Variants in ZNF547 observed in about 807,000 individuals in gnomAD.
ZNF547 encodes zinc finger protein 547.
In ZNF547, 4 loss-of-function variants were observed where a neutral mutation model predicts 7.7. The observed-to-expected ratio is 0.52, with a 90% CI of 0.26 to 1.20. The LOEUF is 1.20. ZNF547 is among the 50% of genes most tolerant of loss of function. ZNF547 has a pLI of 0.14. For missense variants in ZNF547, 449 were observed against 485.8 expected (o/e 0.92, Z 0.71); for synonymous variants, 166 against 166.2 (o/e 1.00, Z 0.01).
Position 57,378,044 on chromosome 19 carries a change from G to T in ZNF547, c.1068G>T (p.Glu356Asp), listed in dbSNP as rs1475914479. The T allele has an allele frequency of 1.9e-6, 3 of 1,614,050 alleles. No individual in the cohort carries two copies. The highest frequency in any genetic ancestry group is 3.3e-5 in the Admixed American group (2 of 60,004). ...HTGERPYECS[E>D]CGKAFLTKSH... ...GAGAACGGCCTTATGAATGCAGTGA[G>T]TGTGGGAAGGCCTTCCTTACAAAGT... The change falls in exon 4 of 4, where the codon GAG (glutamate) becomes GAT (aspartate). Residue 356 changes from glutamate (E) to aspartate (D), a missense_variant. By Grantham distance (45) the Glu-to-Asp change is conservative. Transcript: ENST00000282282.
chr19:57,369,070 AG>A (rs2088488727), intron 2 of ZNF547, among the ~76,000 whole-genome samples: 1 of 152,112 alleles, frequency 6.6e-6, no homozygotes. Context: ...GAAGCAGAAG[AG>A]GGCAGTGATA....
At position 57,377,587 on chromosome 19, in the gene ZNF547, G is replaced by A; in HGVS notation, c.611G>A (p.Arg204Lys). The A allele has an allele frequency of 6.2e-7, 1 of 1,614,226 alleles. No homozygotes were observed. Among genetic ancestry groups the A allele is most frequent in the Non-Finnish European group, 8.5e-7 (1 of 1,180,046 alleles). The stretch of plus-strand genomic sequence containing the variant: ...AGGTCCACACTCAATAGACATCAGA[G>A]AACTCACACTGGAGAAAGGCCTTAT... The part of the protein sequence containing the change: ...MERSTLNRHQ[R>K]THTGERPYEC... The change falls in exon 4 of 4, where the codon AGA becomes AAA. Residue 204 changes from arginine to lysine, a missense_variant. Arg to Lys is a conservative substitution (Grantham distance 26). Coordinates refer to ENST00000282282, the MANE Select transcript of ZNF547 (RefSeq NM_173631.4).
chr19:57,374,728 A>C (rs1380451898), intron 3 of ZNF547, among the ~76,000 whole-genome samples: 1 of 152,218 alleles, frequency 6.6e-6, no homozygotes, highest in Non-Finnish European at 1.5e-5. Flanking sequence ...GGCAGGGGCA[A>C]GAAGCTGCCA....
Position 57,378,420 on chromosome 19 carries a change from A to G in ZNF547, c.*235A>G. 1 of 692,888 alleles carries G rather than the reference A, an allele frequency of 1.4e-6. No homozygotes were observed. The highest frequency in any genetic ancestry group is 1.5e-5 in the South Asian group (1 of 68,008). The allele number at this position is 692,888 out of a possible 1,614,324, so 42.9% of individuals were successfully genotyped here. ...TCTCATTAGACATTGGAGAGTTTAC[A>G]CTGAAGAAGAGTCTTTTCAATAAAG... On this transcript the variant is annotated 3_prime_UTR_variant, in exon 4 of 4. Transcript: ENST00000282282.
At chr19:57,375,594 G>C (rs975047752) in intron 3 of ZNF547, among the ~76,000 whole-genome samples, 1 of 150,012 alleles carries the variant, frequency 6.7e-6, no homozygotes, top group Non-Finnish European at 1.5e-5. Flanking sequence ...CCCAGGAAGC[G>C]GAGGTTGCGG....
At chr19:57,366,276 A>G (rs2088469083) in intron 1 of ZNF547, among the ~76,000 whole-genome samples, 1 of 151,816 alleles carries the variant, frequency 6.6e-6, no homozygotes, top group African/African-American at 2.4e-5. Context: ...GCTGGAGTGC[A>G]GTGGCACGAT....
At chr19:57,373,203 T>C (rs1301758208) in intron 3 of ZNF547, among the ~76,000 whole-genome samples, 1 of 152,172 alleles carries the variant, frequency 6.6e-6, no homozygotes, top group Admixed American at 6.5e-5. Context: ...AGGCATCTTC[T>C]TCACAGGGCG....
chr19:57,365,612 A>G (rs2088462418), intron 1 of ZNF547, among the ~76,000 whole-genome samples: 1 of 150,794 alleles, frequency 6.6e-6, no homozygotes, highest in African/African-American at 2.4e-5. Flanking sequence ...AGGTTCAAGC[A>G]ATTCTGCCTC....
chr19:57,366,611 G>T (rs527956099), intron 1 of ZNF547, among the ~76,000 whole-genome samples: 2 of 135,832 alleles, frequency 1.5e-5, no homozygotes, highest in Non-Finnish European at 3.1e-5. Context: ...GTGCAGTGGC[G>T]CTTGGCTCAC....
chr19:57,364,263 T>G (rs2088445827), intron 1 of ZNF547: 1 of 155,128 alleles, frequency 6.4e-6, no homozygotes, highest in South Asian at 1.9e-4. Context: ...TTTTTTTTTT[T>G]GCCCGAACAT....
intron 3 of ZNF547, among the ~76,000 whole-genome samples, chr19:57,375,611 G>C (rs2088531299): frequency 7.0e-6 from 1 of 141,914 alleles, no homozygotes; most frequent in South Asian, 2.4e-4. Flanking sequence ...GCGGTGAGCT[G>C]AGATCAAGCC....
chr19:57,364,466 G>GAACAA, intron 1 of ZNF547: 1 of 242,428 alleles, frequency 4.1e-6, no homozygotes, highest in Non-Finnish European at 8.1e-6. Flanking sequence ...AGGGTGGCCG[G>GAACAA]GCGTGGTGGC....
intron 1 of ZNF547, chr19:57,364,229 A>C (rs1308350394): frequency 6.4e-6 from 1 of 156,618 alleles, no homozygotes; most frequent in Non-Finnish European, 1.4e-5. Context: ...GTCTGTGAGC[A>C]AAAATAGGGA....
rs1228382297 is a variant in ZNF547, at chr19:57,365,430, T to A, written c.-13+1727T>A. On this transcript the variant is annotated intron_variant, in intron 1 of 3. Transcript: ENST00000282282. The stretch of plus-strand genomic sequence containing the variant: ...ATAGTACATTCTGTCTCATGTCACA[T>A]ATCAGTAGATCAATTAGTATTTCCT... 3 of 582,750 alleles carry A rather than the reference T, an allele frequency of 5.1e-6. No homozygotes were observed. In the East Asian group the frequency reaches 8.4e-5, roughly 16 times the overall value. 36.1% of individuals were successfully genotyped at this position (582,750 alleles called of 1,614,324 possible).
intron 2 of ZNF547, among the ~76,000 whole-genome samples, chr19:57,369,059 T>C (rs893876164): frequency 1.3e-5 from 2 of 152,114 alleles, no homozygotes; most frequent in African/African-American, 4.8e-5. Context: ...GGGGAAGATT[T>C]GAAGCAGAAG....
intron 3 of ZNF547, among the ~76,000 whole-genome samples, chr19:57,376,244 G>T (rs543163442): frequency 6.6e-6 from 1 of 152,182 alleles, no homozygotes; most frequent in African/African-American, 2.4e-5. Context: ...CCCATGATTC[G>T]GTTACCTTCA....
At chr19:57,375,530 C>G (rs2088530853) in intron 3 of ZNF547, among the ~76,000 whole-genome samples, 1 of 151,840 alleles carries the variant, frequency 6.6e-6, no homozygotes, top group Non-Finnish European at 1.5e-5. Flanking sequence ...GGCATGGTGG[C>G]TCATACCTGT....
At chr19:57,373,357 C>G (rs559113164) in intron 3 of ZNF547, among the ~76,000 whole-genome samples, 1 of 152,098 alleles carries the variant, frequency 6.6e-6, no homozygotes, top group Admixed American at 6.5e-5. Context: ...ACCCTTGACA[C>G]GTGGGGATTA....
intron 2 of ZNF547, 143 bp downstream of exon 2, chr19:57,368,722 G>A (rs1600076179): frequency 1.3e-6 from 1 of 767,196 alleles, no homozygotes; most frequent in Non-Finnish European, 2.1e-6. Context: ...GATTCCACCA[G>A]TTCTAGTATC....
Sources: gnomAD v4.1 joint callset for allele counts (sites outside exome capture counted in the v4.1 genomes callset) on GRCh38, gnomAD v4.1.1 for gene constraint, MANE v1.5 for transcripts, NCBI Gene and HGNC (gene_info 2026-07-23, HGNC 2026-07-21) for gene names.